The following SLC9C1 variants were observed in gnomAD, a reference collection of about 807,000 sequenced individuals.
SLC9C1 encodes the protein sodium/hydrogen exchanger 10.
In SLC9C1, 97 loss-of-function variants were observed where a neutral mutation model predicts 140.9. The observed-to-expected ratio is 0.69, with a 90% confidence interval of 0.58 to 0.82. The LOEUF (loss-of-function observed/expected upper bound fraction) is 0.82, where lower values mean the gene tolerates loss of function less well. Ranked by LOEUF, SLC9C1 falls within the 40% of genes least tolerant of loss-of-function variation. The pLI is 0.00. For missense variants in SLC9C1, 1,340 were observed against 1,389.3 expected, an observed-to-expected ratio of 0.96 and a Z score of 0.56; for synonymous variants, 440 against 442.6, an observed-to-expected ratio of 0.99 and a Z score of 0.07.
At chr3:112,273,570 G>A (rs956642935) in intron 6 of SLC9C1, among the ~76,000 whole-genome samples, 2 of 152,112 alleles carry the variant, frequency 1.3e-5, no homozygotes, top group African/African-American at 4.8e-5. Flanking sequence ...GGAGGGGTGA[G>A]GGGGTGGTGG....
intron 15 of SLC9C1, among the ~76,000 whole-genome samples, chr3:112,216,007 G>C (rs1372995859): frequency 6.6e-6 from 1 of 152,134 alleles, no homozygotes; most frequent in Non-Finnish European, 1.5e-5. Context: ...CCAAAACAGA[G>C]ATATAGACGA....
rs1560003213 is a variant in SLC9C1 at position 112,150,793 on chromosome 3, C to CATATATATATATAAATACATATACAT, written c.3524+1063_3524+1064insATGTATATGTATTTATATATATATAT. On this transcript the variant is annotated intron_variant, in intron 28 of 28. Transcript: ENST00000305815. Reference sequence around the variant, plus strand: ...ACATATATATATATAAATACATATACATATATATATATATATAAATACATA... The same window carrying CATATATATATATAAATACATATACAT: ...ACATATATATATATAAATACATATACATATATATATATAAATACATATACATATATATATATATATATAAATACATA... Among the ~76,000 whole-genome samples, 482 of 56,798 alleles carry CATATATATATATAAATACATATACAT rather than the reference C, an allele frequency of 8.5e-3. 4 individuals carry two copies. Among genetic ancestry groups the CATATATATATATAAATACATATACAT allele is most frequent in the African/African-American group, 0.027 (441 of 16,230 alleles). 37.3% of individuals were successfully genotyped at this position (56,798 alleles called of 152,430 possible).
intron 23 of SLC9C1, among the ~76,000 whole-genome samples, chr3:112,174,383 G>C (rs924940151): frequency 3.9e-5 from 6 of 152,122 alleles, no homozygotes; most frequent in African/African-American, 1.4e-4. Context: ...AGGAAAGATT[G>C]GTCTTTCCTC....
At chr3:112,235,334 G>C (rs902708098) in intron 12 of SLC9C1, among the ~76,000 whole-genome samples, 1 of 147,278 alleles carries the variant, frequency 6.8e-6, no homozygotes, top group Non-Finnish European at 1.5e-5. Flanking sequence ...TGTATCCTGA[G>C]ACTTTGCTGA....
At chr3:112,272,325 C>T (rs1226510074) in intron 6 of SLC9C1, among the ~76,000 whole-genome samples, 2 of 152,290 alleles carry the variant, frequency 1.3e-5, no homozygotes, top group African/African-American at 4.8e-5. Flanking sequence ...GGAAAAGTCT[C>T]AAAGCAAAGC....
intron 28 of SLC9C1, among the ~76,000 whole-genome samples, chr3:112,148,000 A>C (rs546775643): frequency 6.6e-6 from 1 of 152,300 alleles, no homozygotes; most frequent in African/African-American, 2.4e-5. Flanking sequence ...AGACAGGGTT[A>C]GTTCAAAAGA....
At chr3:112,230,460 A>C (rs1033146178) in intron 13 of SLC9C1, among the ~76,000 whole-genome samples, 5 of 152,180 alleles carry the variant, frequency 3.3e-5, no homozygotes, top group Admixed American at 1.3e-4. Context: ...GACAAGTGGA[A>C]AATCTGCTGG....
chr3:112,274,325 C>T (rs923353130), intron 6 of SLC9C1, among the ~76,000 whole-genome samples: 1 of 152,006 alleles, frequency 6.6e-6, no homozygotes, highest in Non-Finnish European at 1.5e-5. Context: ...ATTTTATATA[C>T]ACACATAAAC....
At chr3:112,252,121 G>C (rs900802007) in intron 10 of SLC9C1, among the ~76,000 whole-genome samples, 3 of 152,090 alleles carry the variant, frequency 2.0e-5, no homozygotes, top group African/African-American at 4.8e-5. Flanking sequence ...CTGGGATGGA[G>C]GTCCCTGTGG....
chr3:112,210,460 T>C (rs2078171714), intron 15 of SLC9C1, among the ~76,000 whole-genome samples: 2 of 152,326 alleles, frequency 1.3e-5, no homozygotes, highest in South Asian at 4.1e-4. Flanking sequence ...ATAGTGATGA[T>C]TTCATTTATG....
chr3:112,288,842 G>T (rs997946624), intron 1 of SLC9C1, among the ~76,000 whole-genome samples: 1 of 151,776 alleles, frequency 6.6e-6, no homozygotes, highest in African/African-American at 2.4e-5. Context: ...AAAGACTCAG[G>T]GTAGCTTACT....
rs377105992 is a variant in SLC9C1, at chr3:112,232,082, A to C, written c.1447-596T>G. ...ATGATATGCTCAAAATTACAAAGCT[A>C]TTAAGTGAGAAAGCTAGGCTATAAA... On this transcript the variant is annotated intron_variant, in intron 12 of 28. Transcript: ENST00000305815. Among the ~76,000 whole-genome samples, 15 of 152,346 alleles carry C rather than the reference A, an allele frequency of 9.8e-5. No individual in the cohort carries two copies. In the South Asian group the frequency reaches 3.1e-3, roughly 32 times the overall value.
chr3:112,155,849 T>A (rs540987344), intron 26 of SLC9C1, among the ~76,000 whole-genome samples: 1 of 152,244 alleles, frequency 6.6e-6, no homozygotes, highest in South Asian at 2.1e-4. Flanking sequence ...GGTATTTTAT[T>A]TTAATTTTTT....
chr3:112,221,627 C>T (rs1357830682), intron 13 of SLC9C1, among the ~76,000 whole-genome samples: 1 of 151,968 alleles, frequency 6.6e-6, no homozygotes, highest in Non-Finnish European at 1.5e-5. Context: ...TCAAATATTT[C>T]CACAACAGGG....
chr3:112,147,424 ATTCTT>A, intron 28 of SLC9C1: 1 of 283,864 alleles, frequency 3.5e-6, no homozygotes, highest in Admixed American at 4.9e-5. Context: ...AGCAGTTGCC[ATTCTT>A]TTCTTTCCTT....
chr3:112,183,557 G>A (rs2107966392), intron 20 of SLC9C1, among the ~76,000 whole-genome samples: 1 of 151,056 alleles, frequency 6.6e-6, no homozygotes, highest in South Asian at 2.1e-4. Context: ...TCAGTACAAG[G>A]CACTCTGGGC....
In SLC9C1 at chr3:112,155,024, G is replaced by A. The variant is rs770622085; in HGVS notation, c.3390C>T (p.Gly1130=). 8.1e-6 allele frequency: 13 copies of A among 1,606,238 alleles called. No homozygotes were observed. The highest frequency in any genetic ancestry group is 1.1e-5 in the South Asian group (1 of 90,400). Residue 1130 remains glycine, a synonymous_variant, in exon 27 of 29, where the codon GGC becomes GGT. Coordinates refer to ENST00000305815, the MANE Select transcript of SLC9C1 (RefSeq NM_183061.3). The part of the protein sequence containing the change: ...LIGSVGTLEE[G]IQEERNVKED... ...CCTTAACATTTCTTTCTTCTTGAAT[G>A]CCTTCTTCCAATGTTCCAACTGAAC... is the stretch of plus-strand genomic sequence containing the variant.
intron 10 of SLC9C1, 114 bp downstream of exon 10, chr3:112,262,810 T>G: frequency 2.1e-6 from 2 of 931,166 alleles, no homozygotes; most frequent in African/African-American, 3.4e-5. Context: ...CATAGCTAAA[T>G]CACTCCTACA....
At position 112,162,173 on chromosome 3, in the gene SLC9C1, G is replaced by A. The variant is rs532729269; in HGVS notation, c.3364+5048C>T. ...TATGAGCTTAAGGAGATTTTGGGCT[G>A]AGACAATGGGGTTATCTAGATATAC... is the stretch of plus-strand genomic sequence containing the variant. On this transcript the variant is annotated intron_variant, in intron 26 of 28. Transcript: ENST00000305815. 4.5e-4 allele frequency among the ~76,000 whole-genome samples: 69 copies of A among 152,304 alleles called. 1 individual carries two copies. Among genetic ancestry groups the A allele is most frequent in the African/African-American group, 1.7e-3 (69 of 41,566 alleles).
Sources: allele counts gnomAD v4.1 joint callset (sites outside exome capture counted in the v4.1 genomes callset), GRCh38; gene constraint gnomAD v4.1.1; transcripts MANE v1.5; gene names NCBI Gene and HGNC (gene_info 2026-07-23, HGNC 2026-07-21).